Variants in DLG5 observed in about 807,000 individuals in gnomAD.
DLG5 encodes the protein discs large MAGUK scaffold protein 5, also known as disks large homolog 5.
A neutral mutation model predicts 189.8 loss-of-function variants in DLG5; 48 were observed. The observed-to-expected ratio is 0.25, with a 90% CI of 0.20 to 0.32. The LOEUF (loss-of-function observed/expected upper bound fraction) is 0.32, where lower values mean the gene tolerates loss of function less well. Among genes scored for constraint, DLG5 ranks in the 10% least tolerant of loss-of-function variants. DLG5 has a pLI of 1.00. For missense variants in DLG5, 2,160 were observed against 2,544.7 expected, an observed-to-expected ratio of 0.85 and a Z score of 3.25; for synonymous variants, 1,016 against 1,054.1, an observed-to-expected ratio of 0.96 and a Z score of 0.70.
intron 1 of DLG5, among the ~76,000 whole-genome samples, chr10:77,888,496 G>A (rs1845510016): frequency 6.6e-6 from 1 of 152,180 alleles, no homozygotes; most frequent in African/African-American, 2.4e-5. Context: ...AGGTAAGAAG[G>A]GGTTAAATGT....
Position 77,792,010 on chromosome 10 carries a change from G to A in DLG5, c.*430C>T, listed in dbSNP as rs576240929. ...AGGTCGTTTTGCTGAAGACGGGAAC[G>A]AAACCAACACCAAAGCGACAGGGGG... On this transcript the variant is annotated 3_prime_UTR_variant, in exon 32 of 32. Transcript: ENST00000372391. The A allele has an allele frequency of 1.6e-4, 27 of 171,346 alleles. No homozygotes were observed. The highest frequency in any genetic ancestry group is 2.5e-4 in the Non-Finnish European group (20 of 80,106). The allele number at this position is 171,346 out of a possible 1,614,324, so 10.6% of individuals were successfully genotyped here.
At chr10:77,835,976 G>A (rs527343007) in intron 7 of DLG5, 54 bp from the exon 8 acceptor site, 1 of 1,566,330 alleles carries the variant, frequency 6.4e-7, no homozygotes, top group Non-Finnish European at 8.7e-7. Flanking sequence ...TCATGGACCA[G>A]GAGCGCCTCC....
chr10:77,797,981 G>A (rs1193303648), intron 27 of DLG5, among the ~76,000 whole-genome samples: 1 of 152,150 alleles, frequency 6.6e-6, no homozygotes, highest in Non-Finnish European at 1.5e-5. Context: ...GAGGTCAAGA[G>A]TTTGAGACCA....
intron 1 of DLG5, among the ~76,000 whole-genome samples, chr10:77,913,069 C>A (rs1846268986): frequency 6.6e-6 from 1 of 152,228 alleles, no homozygotes; most frequent in East Asian, 1.9e-4. Context: ...ACAAAAAAGA[C>A]CTCATGGCTA....
chr10:77,825,418 T>TCACACAC, intron 13 of DLG5, among the ~76,000 whole-genome samples: 1 of 82,586 alleles, frequency 1.2e-5, no homozygotes, highest in African/African-American at 4.7e-5. Context: ...ACACACACAG[T>TCACACAC]ACCAATGTCA....
At chr10:77,850,728 G>T (rs1459550299) in intron 5 of DLG5, among the ~76,000 whole-genome samples, 1 of 152,168 alleles carries the variant, frequency 6.6e-6, no homozygotes, top group African/African-American at 2.4e-5. Flanking sequence ...TATCATTAAC[G>T]ACCACAACAC....
chr10:77,926,167 A>G lies in DLG5; in HGVS notation c.304+50T>C, dbSNP rs774419303. On this transcript the variant is annotated intron_variant, in intron 1 of 31. Coordinates refer to ENST00000372391, the MANE Select transcript of DLG5 (RefSeq NM_004747.4). This position sits in a 1 kb window ranked among gnomAD's most constrained non-coding sequence, Gnocchi z 5.2. ...GAGGTACCCTCGGCCAGCAGGAGGG[A>G]GAAGCGGAGGGCGCGTCCCAGAGGC... 7.4e-5 allele frequency: 97 copies of G among 1,318,132 alleles called. No individual in the cohort carries two copies. Among genetic ancestry groups the G allele is most frequent in the Non-Finnish European group, 8.7e-5 (89 of 1,025,214 alleles). 81.7% of individuals were successfully genotyped at this position (1,318,132 alleles called of 1,614,324 possible).
chr10:77,905,514 C>A (rs144202485), intron 1 of DLG5, among the ~76,000 whole-genome samples: 1 of 152,328 alleles, frequency 6.6e-6, no homozygotes, highest in Non-Finnish European at 1.5e-5. Flanking sequence ...CTTGTCCCTA[C>A]GTTAAAAACA....
rs1846681162 is a variant in DLG5, at chr10:77,926,088, G to C, written c.304+129C>G. 9.7e-7 allele frequency: 1 copy of C among 1,026,406 alleles called. No individual in the cohort carries two copies. Among genetic ancestry groups the C allele is most frequent in the Non-Finnish European group, 1.3e-6 (1 of 784,240 alleles). The allele number at this position is 1,026,406 out of a possible 1,614,324, so 63.6% of individuals were successfully genotyped here. Reference sequence around the variant, plus strand: ...CCGCGCACCGCCGCCTCCCCAACTGGGCCAGAGGAGCGAGTCCACCGAGGC... The same window carrying C: ...CCGCGCACCGCCGCCTCCCCAACTGCGCCAGAGGAGCGAGTCCACCGAGGC... On this transcript the variant is annotated intron_variant, in intron 1 of 31. Coordinates refer to ENST00000372391, the MANE Select transcript of DLG5 (RefSeq NM_004747.4). The surrounding 1 kb of genome is among the most constrained non-coding windows in gnomAD (Gnocchi z 5.2).
chr10:77,915,283 C>T (rs1846327254), intron 1 of DLG5, among the ~76,000 whole-genome samples: 1 of 150,792 alleles, frequency 6.6e-6, no homozygotes. Context: ...ACCAAGATTG[C>T]ACCACTGCAC....
chr10:77,857,826 A>G (rs1031624473), intron 2 of DLG5, among the ~76,000 whole-genome samples: 1 of 152,218 alleles, frequency 6.6e-6, no homozygotes, highest in African/African-American at 2.4e-5. Context: ...GCTCACAGCA[A>G]CCATCCAATT....
intron 2 of DLG5, among the ~76,000 whole-genome samples, chr10:77,865,202 C>T (rs913319631): frequency 6.6e-6 from 1 of 152,194 alleles, no homozygotes; most frequent in Non-Finnish European, 1.5e-5. Flanking sequence ...GGGCCGTGTT[C>T]ACCGTGATCC....
At chr10:77,939,049 G>T in the DLG5 span, among the ~76,000 whole-genome samples, 2 of 152,102 alleles carry the variant, frequency 1.3e-5, no homozygotes, top group South Asian at 4.1e-4. Context: ...GTGTGGTGGC[G>T]CATGCCTGTA....
intron 22 of DLG5, 43 bp from the exon 23 acceptor site, chr10:77,811,277 AC>A (rs1485142801): frequency 6.3e-7 from 1 of 1,582,162 alleles, no homozygotes; most frequent in African/African-American, 1.3e-5. Context: ...GTACGAAGCC[AC>A]CCAGAGCCAC....
At chr10:77,829,745 G>T (rs1159546289) in intron 11 of DLG5, among the ~76,000 whole-genome samples, 1 of 152,222 alleles carries the variant, frequency 6.6e-6, no homozygotes, top group African/African-American at 2.4e-5. Flanking sequence ...CTTACTAGTT[G>T]TATGACCTAG....
At position 77,811,124 on chromosome 10, in the gene DLG5, C is replaced by G. The variant is rs756164869; in HGVS notation, c.4433G>C (p.Ser1478Thr). 4 of 1,612,134 alleles carry G rather than the reference C, an allele frequency of 2.5e-6. No homozygotes were observed. Among genetic ancestry groups the G allele is most frequent in the Non-Finnish European group, 3.4e-6 (4 of 1,179,990 alleles). The change falls in exon 23 of 32, where the codon AGC (serine) becomes ACC (threonine). Residue 1478 changes from serine (S) to threonine (T), a missense_variant. Transcript: ENST00000372391. ...DPLMEQDEGP[S>T]TPPAKQSSSR... ...GCTGCTCTGCTTGGCTGGGGGGGTGCTAGGCCCCTCGTCCTGCTCCATCAG... is the reference window on the plus strand; with the variant it reads ...GCTGCTCTGCTTGGCTGGGGGGGTGGTAGGCCCCTCGTCCTGCTCCATCAG...
chr10:77,810,489 C>T (rs1025884874), intron 23 of DLG5, among the ~76,000 whole-genome samples: 4 of 152,234 alleles, frequency 2.6e-5, no homozygotes, highest in African/African-American at 9.6e-5. Context: ...GATGGCCCTC[C>T]CTGCAGCCCC....
intron 7 of DLG5, among the ~76,000 whole-genome samples, chr10:77,840,555 T>C (rs1843367598): frequency 6.6e-6 from 1 of 151,610 alleles, no homozygotes; most frequent in Admixed American, 6.6e-5. Context: ...ACGTCTCTAG[T>C]AAAAATACAA....
intron 6 of DLG5, among the ~76,000 whole-genome samples, 179 bp from the exon 7 acceptor site, chr10:77,842,372 T>C (rs1316522316): frequency 1.3e-5 from 2 of 152,224 alleles, no homozygotes; most frequent in Non-Finnish European, 2.9e-5. Context: ...CCCCCGGACC[T>C]GGAATTTTTC....
Sources: gnomAD v4.1 joint callset for allele counts (sites outside exome capture counted in the v4.1 genomes callset) on GRCh38, gnomAD v4.1.1 for gene constraint, Gnocchi (gnomAD v3.1) non-coding constraint, MANE v1.5 for transcripts, NCBI Gene and HGNC (gene_info 2026-07-23, HGNC 2026-07-21) for gene names.